SRGAP2: variants seen among roughly 807,000 people sequenced by gnomAD.
SRGAP2 encodes the protein SLIT-ROBO Rho GTPase-activating protein 2.
In SRGAP2, 15 loss-of-function variants were observed where a neutral mutation model predicts 57.2. That is an observed-to-expected ratio of 0.26 (90% confidence interval 0.18 to 0.40). The LOEUF (loss-of-function observed/expected upper bound fraction) is 0.40, where lower values mean the gene tolerates loss of function less well. Ranked by LOEUF, SRGAP2 falls within the 10% of genes least tolerant of loss-of-function variation. The probability of loss-of-function intolerance (pLI) is 1.00; values close to 1 mark genes in which losing one functional copy is unlikely to be tolerated. For synonymous variants in SRGAP2, 249 were observed against 248.0 expected, an observed-to-expected ratio of 1.00 and a Z score of -0.04; for missense variants, 520 against 669.6, an observed-to-expected ratio of 0.78 and a Z score of 2.47.
chr1:206,366,202 G>T (rs1354796727), intron 4 of SRGAP2, among the ~76,000 whole-genome samples: 1 of 152,242 alleles, frequency 6.6e-6, no homozygotes, highest in Non-Finnish European at 1.5e-5. Context: ...CAAAAGGTGT[G>T]CATGCTCTGG....
chr1:206,321,774 C>T (rs553170076), intron 3 of SRGAP2, among the ~76,000 whole-genome samples: 2 of 151,520 alleles, frequency 1.3e-5, no homozygotes, highest in East Asian at 3.9e-4. Context: ...TTCAAGCTGG[C>T]TTCTGTGTCT....
intron 4 of SRGAP2, among the ~76,000 whole-genome samples, chr1:206,346,689 C>T (rs1675655047): frequency 6.6e-6 from 1 of 152,220 alleles, no homozygotes; most frequent in Middle Eastern, 3.4e-3. Flanking sequence ...TATGGCTGTA[C>T]ACACCTGTGC....
chr1:206,439,279 T>G (rs1403846605), intron 16 of SRGAP2, among the ~76,000 whole-genome samples: 1 of 152,048 alleles, frequency 6.6e-6, no homozygotes, highest in Non-Finnish European at 1.5e-5. Flanking sequence ...GACCTATAAT[T>G]AACCTCTCCA....
chr1:206,402,198 G>A (rs1466233575), intron 8 of SRGAP2, among the ~76,000 whole-genome samples: 1 of 152,192 alleles, frequency 6.6e-6, no homozygotes, highest in African/African-American at 2.4e-5. Flanking sequence ...GTGATGAAGT[G>A]TATAGTTTGG....
chr1:206,215,136 ACTT>A (rs1558224253), intron 2 of SRGAP2, among the ~76,000 whole-genome samples: 1 of 144,200 alleles, frequency 6.9e-6, no homozygotes, highest in Non-Finnish European at 1.5e-5. Flanking sequence ...AAGTCACTCA[ACTT>A]CTCTTCCAAG....
intron 14 of SRGAP2, among the ~76,000 whole-genome samples, chr1:206,436,338 C>A (rs782718038): frequency 3.9e-5 from 6 of 151,920 alleles, no homozygotes; most frequent in African/African-American, 9.7e-5. Context: ...AATGCCTTGA[C>A]CTATTTCCCA....
intron 2 of SRGAP2, among the ~76,000 whole-genome samples, chr1:206,275,709 CG>C (rs1295879270): frequency 6.7e-6 from 1 of 150,340 alleles, no homozygotes; most frequent in East Asian, 1.9e-4. Flanking sequence ...CCGCCTCTCC[CG>C]GGTTCAAGTG....
At position 206,454,648 on chromosome 1, in the gene SRGAP2, T is replaced by C. The variant is rs551668185; in HGVS notation, c.2361-230T>C. ...CCCTAGCCACGCTTTCCTGAGGAGCTGAGGAGCCCGCAGAACTCAGCGGAT... is the reference window on the plus strand; with the variant it reads ...CCCTAGCCACGCTTTCCTGAGGAGCCGAGGAGCCCGCAGAACTCAGCGGAT... On this transcript the variant is annotated intron_variant, in intron 20 of 22. Coordinates refer to ENST00000573034, the MANE Select transcript of SRGAP2 (RefSeq NM_015326.5). This position sits in a 1 kb window ranked among gnomAD's most constrained non-coding sequence, Gnocchi z 4.3. 7.9e-6 allele frequency: 4 copies of C among 508,552 alleles called. No homozygotes were observed. The highest frequency in any genetic ancestry group is 5.9e-5 in the African/African-American group (3 of 51,262). The allele number at this position is 508,552 out of a possible 1,614,324, so 31.5% of individuals were successfully genotyped here.
intron 2 of SRGAP2, among the ~76,000 whole-genome samples, chr1:206,275,359 T>A (rs1176199446): frequency 2.9e-5 from 1 of 34,864 alleles, no homozygotes; most frequent in African/African-American, 1.5e-4. Context: ...GACATCAGAA[T>A]CTTTTGTCTG....
chr1:206,288,345 TG>T (rs1167912325), intron 2 of SRGAP2, among the ~76,000 whole-genome samples: 1 of 104,090 alleles, frequency 9.6e-6, no homozygotes, highest in Non-Finnish European at 1.9e-5. Context: ...TTTAGATGAT[TG>T]TCTGGAAGAA....
At chr1:206,363,024 T>A (rs1317852389) in intron 4 of SRGAP2, among the ~76,000 whole-genome samples, 10 of 148,938 alleles carry the variant, frequency 6.7e-5, no homozygotes, top group African/African-American at 2.5e-4. Flanking sequence ...TGCCTTATGA[T>A]GTCCTTTGTA....
chr1:206,453,374 A>G lies in SRGAP2; in HGVS notation c.2354A>G (p.Gln785Arg). The G allele has an allele frequency of 1.5e-6, 1 of 685,886 alleles. No homozygotes were observed. The highest frequency in any genetic ancestry group is 2.7e-6 in the Non-Finnish European group (1 of 365,310). 42.5% of individuals were successfully genotyped at this position (685,886 alleles called of 1,614,324 possible). The change falls in exon 20 of 23, where the codon CAA (glutamine) becomes CGA (arginine). Residue 785 changes from glutamine (Q) to arginine (R), a missense_variant. This residue lies in a region of SRGAP2 where 478 missense variants were observed against 373.6 expected (regional missense o/e 1.28). Transcript: ENST00000573034. ...GLIPHQYIVV[Q>R]DTEDGVVERS... ...ATCCCCCATCAGTACATCGTGGTCCAAGACACGTACGTTGGGCCCATGGCA... is the reference window on the plus strand; with the variant it reads ...ATCCCCCATCAGTACATCGTGGTCCGAGACACGTACGTTGGGCCCATGGCA...
intron 21 of SRGAP2, among the ~76,000 whole-genome samples, chr1:206,457,802 A>G (rs1643827516): frequency 6.7e-6 from 1 of 149,920 alleles, no homozygotes; most frequent in Admixed American, 6.6e-5. Context: ...CATCTCTCTT[A>G]GATTCAAGAT....
At position 206,454,154 on chromosome 1, in the gene SRGAP2, T is replaced by C. The variant is rs1663606533; in HGVS notation, c.2361-724T>C. On this transcript the variant is annotated intron_variant, in intron 20 of 22. Transcript: ENST00000573034. The surrounding 1 kb of genome is among the most constrained non-coding windows in gnomAD (Gnocchi z 4.3). The stretch of plus-strand genomic sequence containing the variant: ...TATTATTTTTTAAAGGTTGATATCC[T>C]GAGTGAGTCTGCACCCTCCCAGCCT... 1 of 702,472 alleles carries C rather than the reference T, an allele frequency of 1.4e-6. No homozygotes were observed. The highest frequency in any genetic ancestry group is 2.6e-6 in the Non-Finnish European group (1 of 385,000). 43.5% of individuals were successfully genotyped at this position (702,472 alleles called of 1,614,324 possible).
chr1:206,371,721 A>G (rs1159667671), intron 4 of SRGAP2, among the ~76,000 whole-genome samples: 2 of 125,110 alleles, frequency 1.6e-5, no homozygotes, highest in Non-Finnish European at 1.6e-5. Context: ...ACTGAGTGAG[A>G]CTCCGTCTCC....
At chr1:206,433,918 A>G (rs1191271146) in intron 14 of SRGAP2, among the ~76,000 whole-genome samples, 1 of 152,232 alleles carries the variant, frequency 6.6e-6, no homozygotes, top group Non-Finnish European at 1.5e-5. Flanking sequence ...TCTAGGATCA[A>G]GCAAATATAT....
chr1:206,378,224 G>GT (rs1311244896), intron 4 of SRGAP2, among the ~76,000 whole-genome samples: 2 of 151,748 alleles, frequency 1.3e-5, no homozygotes, highest in African/African-American at 4.8e-5. Flanking sequence ...AAGCATGCCT[G>GT]TTACCAGCTA....
intron 14 of SRGAP2, 143 bp from the exon 15 acceptor site, chr1:206,436,822 T>C: frequency 1.5e-6 from 1 of 654,788 alleles, no homozygotes; most frequent in South Asian, 1.8e-5. Context: ...TCCTTGCACA[T>C]GTTTTTCTCC....
intron 4 of SRGAP2, among the ~76,000 whole-genome samples, chr1:206,365,284 G>C (rs1418529150): frequency 6.7e-6 from 1 of 148,328 alleles, no homozygotes; most frequent in Non-Finnish European, 1.5e-5. Context: ...TGAGCTTTTT[G>C]CTCCAAAATC....
Sources: allele counts gnomAD v4.1 joint callset (sites outside exome capture counted in the v4.1 genomes callset), GRCh38; gene constraint gnomAD v4.1.1; regional missense constraint gnomAD v4.1.1; non-coding constraint Gnocchi (gnomAD v3.1); transcripts MANE v1.5; gene names NCBI Gene and HGNC (gene_info 2026-07-23, HGNC 2026-07-21).